Variants in PLA2R1 observed in about 807,000 individuals in gnomAD.
PLA2R1 encodes the protein secretory phospholipase A2 receptor.
In PLA2R1, 158 loss-of-function variants were observed where a neutral mutation model predicts 195.9. The observed-to-expected ratio is 0.81, with a 90% CI of 0.71 to 0.92. The LOEUF is 0.92. Among genes scored for constraint, PLA2R1 ranks in the 40% least tolerant of loss-of-function variants. The probability of loss-of-function intolerance (pLI) is 0.00; values close to 1 mark genes in which losing one functional copy is unlikely to be tolerated. For missense variants in PLA2R1, 1,626 were observed against 1,764.6 expected (o/e 0.92, Z 1.41); for synonymous variants, 586 against 598.2 (o/e 0.98, Z 0.30).
chr2:160,025,573 A>G (rs1229670279), intron 6 of PLA2R1, among the ~76,000 whole-genome samples: 2 of 133,188 alleles, frequency 1.5e-5, no homozygotes, highest in Admixed American at 9.1e-5. Flanking sequence ...TGTAAGCCAC[A>G]TGGTAACCAT....
At chr2:160,010,590 G>C (rs1197367143) in intron 10 of PLA2R1, among the ~76,000 whole-genome samples, 4 of 152,182 alleles carry the variant, frequency 2.6e-5, no homozygotes, top group Non-Finnish European at 4.4e-5. Context: ...TGACAGGAGT[G>C]TCTTAAACAG....
At position 160,016,598 on chromosome 2, in the gene PLA2R1, T is replaced by G. The variant is rs373572847; in HGVS notation, c.1551+16A>C. On this transcript the variant is annotated intron_variant, in intron 9 of 29. Transcript: ENST00000283243. Reference sequence around the variant, plus strand: ...TGAAGTCCCTGTACCTAAATTGCAATGTTAACAGCACTTACCTCTTGACAT... The same window carrying G: ...TGAAGTCCCTGTACCTAAATTGCAAGGTTAACAGCACTTACCTCTTGACAT... 2.2e-6 allele frequency: 3 copies of G among 1,345,260 alleles called. No individual in the cohort carries two copies. The African/African-American group carries it at 4.3e-5, about 19-fold the overall frequency. 83.3% of individuals were successfully genotyped at this position (1,345,260 alleles called of 1,614,324 possible). A position where few individuals can be genotyped will look rare whatever the true frequency, so the allele number is the denominator to read the frequency against.
chr2:159,960,977 C>T (rs1688398419), intron 20 of PLA2R1, among the ~76,000 whole-genome samples: 1 of 152,272 alleles, frequency 6.6e-6, no homozygotes, highest in Non-Finnish European at 1.5e-5. Context: ...AGTTTTCCTT[C>T]TGTAGCTTTA....
intron 3 of PLA2R1, among the ~76,000 whole-genome samples, chr2:160,040,604 T>C (rs1694466491): frequency 6.6e-6 from 1 of 152,178 alleles, no homozygotes; most frequent in Non-Finnish European, 1.5e-5. Context: ...TTAAACTATC[T>C]CCCAGGTGAT....
chr2:159,976,359 C>T (rs925162304), intron 16 of PLA2R1, 134 bp from the exon 17 acceptor site: 20 of 634,946 alleles, frequency 3.1e-5, no homozygotes, highest in Non-Finnish European at 5.5e-5. Context: ...CACACACACA[C>T]AGACACATAT....
intron 11 of PLA2R1, among the ~76,000 whole-genome samples, chr2:160,004,776 G>T (rs766990004): frequency 6.6e-6 from 1 of 152,274 alleles, no homozygotes; most frequent in East Asian, 1.9e-4. Context: ...ACAGAGACTG[G>T]TTCTAGTGTA....
chr2:159,973,122 AAGTG>A (rs1345257472), intron 17 of PLA2R1, among the ~76,000 whole-genome samples: 1 of 152,134 alleles, frequency 6.6e-6, no homozygotes, highest in Non-Finnish European at 1.5e-5. Context: ...TGTGAGACAG[AAGTG>A]AGTGGAATCA....
In PLA2R1 at chr2:160,042,202, G is replaced by C; in HGVS notation, c.494-4C>G. 6.2e-7 allele frequency: 1 copy of C among 1,610,714 alleles called. No individual in the cohort carries two copies. Among genetic ancestry groups the C allele is most frequent in the Non-Finnish European group, 8.5e-7 (1 of 1,177,456 alleles). On this transcript the variant is annotated splice_region_variant and splice_polypyrimidine_tract_variant and intron_variant, in intron 2 of 29. Coordinates refer to ENST00000283243, the MANE Select transcript of PLA2R1 (RefSeq NM_007366.5). ...TTCCCTTTGATTGTATGCAAATCTA[G>C]GAGAAAGAAATGTACAAAGTCAGAT... is the stretch of plus-strand genomic sequence containing the variant.
chr2:160,016,771 T>C (rs779987316), intron 8 of PLA2R1, 59 bp from the exon 9 acceptor site: 203 of 726,698 alleles, frequency 2.8e-4, no homozygotes, highest in Non-Finnish European at 4.5e-4. Flanking sequence ...CGATGGGCAA[T>C]AGCAATTCTT....
chr2:160,018,542 G>A (rs1692909074), intron 8 of PLA2R1, among the ~76,000 whole-genome samples: 3 of 152,182 alleles, frequency 2.0e-5, no homozygotes, highest in Non-Finnish European at 4.4e-5. Flanking sequence ...TGAGGCATGA[G>A]AATCTCTTGA....
chr2:159,975,664 C>T (rs1023384769), intron 17 of PLA2R1, among the ~76,000 whole-genome samples: 1 of 151,950 alleles, frequency 6.6e-6, no homozygotes, highest in Non-Finnish European at 1.5e-5. Context: ...TCTATTTACT[C>T]GAATTGATTA....
chr2:159,948,269 C>T (rs1158827875), intron 25 of PLA2R1, among the ~76,000 whole-genome samples: 3 of 152,132 alleles, frequency 2.0e-5, no homozygotes, highest in Non-Finnish European at 2.9e-5. Context: ...AAGTCTCACT[C>T]TGTCACCTAG....
At chr2:160,051,949 A>G (rs1313350651) in intron 1 of PLA2R1, among the ~76,000 whole-genome samples, 7 of 152,212 alleles carry the variant, frequency 4.6e-5, no homozygotes, top group Non-Finnish European at 7.3e-5. Context: ...TAATCAACTA[A>G]AAAGTTACCC....
At position 160,044,831 on chromosome 2, in the gene PLA2R1, G is replaced by GAATA; in HGVS notation, c.432_435dup (p.His146TyrfsTer3). 6.2e-7 allele frequency: 1 copy of GAATA among 1,613,682 alleles called. No individual in the cohort carries two copies. The highest frequency in any genetic ancestry group is 8.5e-7 in the Non-Finnish European group (1 of 1,179,588). ...CCTGACCCATAAGAAATCCACTTATGAATATACTTCCGTGAGGCCACCACT... is the reference window on the plus strand; with the variant it reads ...CCTGACCCATAAGAAATCCACTTATGAATAAATATACTTCCGTGAGGCCACCACT... On this transcript the variant is annotated frameshift_variant, in exon 2 of 30. Transcript: ENST00000283243. LOFTEE classifies it high-confidence loss of function.
chr2:160,024,139 T>C (rs926174985), intron 6 of PLA2R1, among the ~76,000 whole-genome samples: 1 of 152,154 alleles, frequency 6.6e-6, no homozygotes, highest in Non-Finnish European at 1.5e-5. Context: ...CTCTGTGGAC[T>C]ATGGGTCTAT....
chr2:159,990,050 AAG>A (rs1690655601), intron 11 of PLA2R1, among the ~76,000 whole-genome samples: 1 of 152,210 alleles, frequency 6.6e-6, no homozygotes, highest in Non-Finnish European at 1.5e-5. Flanking sequence ...CCCAAATTTT[AAG>A]AGTCTCAGCC....
At chr2:159,949,841 C>G in intron 24 of PLA2R1, 65 bp from the exon 25 acceptor site, 2 of 1,301,122 alleles carry the variant, frequency 1.5e-6, no homozygotes, top group South Asian at 2.5e-5. Context: ...CCAGTGTTAT[C>G]TGAGCATGCT....
intron 17 of PLA2R1, among the ~76,000 whole-genome samples, chr2:159,973,390 C>T (rs1689317413): frequency 6.8e-6 from 1 of 147,720 alleles, no homozygotes; most frequent in African/African-American, 2.5e-5. Flanking sequence ...TTGTGTCCCC[C>T]TAAAATTTAC....
intron 13 of PLA2R1, among the ~76,000 whole-genome samples, chr2:159,981,917 G>A (rs189535741): frequency 2.6e-5 from 4 of 152,110 alleles, no homozygotes; most frequent in Non-Finnish European, 5.9e-5. Flanking sequence ...GGCCTTAAGT[G>A]TTCCTCCCAC....
Sources: allele counts gnomAD v4.1 joint callset (sites outside exome capture counted in the v4.1 genomes callset), GRCh38; gene constraint gnomAD v4.1.1; transcripts MANE v1.5; gene names NCBI Gene and HGNC (gene_info 2026-07-23, HGNC 2026-07-21).